The following FOXP1 variants were observed in gnomAD, a reference collection of about 807,000 sequenced individuals.
FOXP1 encodes the protein forkhead box P1.
A neutral mutation model predicts 98.2 loss-of-function variants in FOXP1; 15 were observed. The ratio of observed to expected loss-of-function variants is 0.15; its 90% CI spans 0.10 to 0.24. The LOEUF (loss-of-function observed/expected upper bound fraction) is 0.24, where lower values mean the gene tolerates loss of function less well. FOXP1 is among the 10% of genes least tolerant of loss of function. The pLI is 1.00. For missense variants in FOXP1, 633 were observed against 848.5 expected, an observed-to-expected ratio of 0.75 and a Z score of 3.15; for synonymous variants, 371 against 314.5, an observed-to-expected ratio of 1.18 and a Z score of -1.90.
chr3:71,364,528 T>A (rs1489816485), intron 3 of FOXP1, among the ~76,000 whole-genome samples: 1 of 152,252 alleles, frequency 6.6e-6, no homozygotes, highest in Non-Finnish European at 1.5e-5. Flanking sequence ...CTTTTGTTGT[T>A]GCTGTTGAAT....
chr3:71,094,278 CTTTT>C (rs1180804992), intron 7 of FOXP1, among the ~76,000 whole-genome samples: 1 of 127,822 alleles, frequency 7.8e-6, no homozygotes, highest in Non-Finnish European at 1.7e-5. Flanking sequence ...TTTTTCTTTT[CTTTT>C]TTTTTTTTTT....
intron 2 of FOXP1, among the ~76,000 whole-genome samples, chr3:71,514,972 C>G (rs1437073517): frequency 6.6e-6 from 1 of 152,204 alleles, no homozygotes; most frequent in Non-Finnish European, 1.5e-5. Context: ...TAATTAGACT[C>G]ACAGCAGGCA....
At chr3:71,439,357 C>A (rs1211439090) in intron 3 of FOXP1, among the ~76,000 whole-genome samples, 1 of 152,166 alleles carries the variant, frequency 6.6e-6, no homozygotes, top group East Asian at 1.9e-4. Flanking sequence ...GTAATGAAAA[C>A]CTTCAAGAAA....
chr3:71,111,387 C>G (rs951956241), intron 7 of FOXP1, among the ~76,000 whole-genome samples: 2 of 152,106 alleles, frequency 1.3e-5, no homozygotes, highest in South Asian at 4.1e-4. Flanking sequence ...AGTCAAAAAC[C>G]CAAATTAGAT....
rs371577000 is a variant in FOXP1 at position 71,197,863 on chromosome 3, A to G, written c.180+339T>C. On this transcript the variant is annotated intron_variant, in intron 6 of 20. Transcript: ENST00000649528. Reference sequence around the variant, plus strand: ...TTTTTCGTTTAATTTTTATTTTTGCATGAAAGCAGTGGGAACCATTTCTCC... The same window carrying G: ...TTTTTCGTTTAATTTTTATTTTTGCGTGAAAGCAGTGGGAACCATTTCTCC... 5.0e-6 allele frequency: 8 copies of G among 1,612,592 alleles called. No homozygotes were observed. In the African/African-American group the frequency reaches 9.4e-5, roughly 19 times the overall value.
At chr3:71,181,693 G>C (rs1560075594) in intron 6 of FOXP1, among the ~76,000 whole-genome samples, 1 of 152,166 alleles carries the variant, frequency 6.6e-6, no homozygotes, top group Non-Finnish European at 1.5e-5. Context: ...AGCCCACACA[G>C]ACTGGGAAGA....
At chr3:71,344,673 C>A (rs188886991) in intron 4 of FOXP1, among the ~76,000 whole-genome samples, 1 of 151,984 alleles carries the variant, frequency 6.6e-6, no homozygotes, top group East Asian at 1.9e-4. Context: ...CCCCTGTGCA[C>A]TAAAAATACA....
chr3:71,328,644 C>A (rs2076070266), intron 4 of FOXP1, among the ~76,000 whole-genome samples: 1 of 152,174 alleles, frequency 6.6e-6, no homozygotes. Context: ...ACCCTTTCTA[C>A]AGCTGACCAG....
At chr3:71,502,683 TA>T (rs1299687274) in intron 2 of FOXP1, among the ~76,000 whole-genome samples, 1 of 152,166 alleles carries the variant, frequency 6.6e-6, no homozygotes, top group Non-Finnish European at 1.5e-5. Context: ...ATGATGTTAC[TA>T]AAAGGAAAAC....
chr3:70,965,855 A>ATC, intron 20 of FOXP1, 35 bp downstream of exon 20: 3 of 1,606,034 alleles, frequency 1.9e-6, no homozygotes, highest in Non-Finnish European at 2.6e-6. Context: ...GACTAGGGTC[A>ATC]GATAGCAAAG....
At chr3:71,336,042 A>G (rs901078604) in intron 4 of FOXP1, among the ~76,000 whole-genome samples, 1 of 130,032 alleles carries the variant, frequency 7.7e-6, no homozygotes, top group East Asian at 2.6e-4. Flanking sequence ...AAAAAAAAAA[A>G]AGGTACAAGG....
chr3:71,196,077 G>C (rs940347609), intron 6 of FOXP1, among the ~76,000 whole-genome samples: 1 of 152,170 alleles, frequency 6.6e-6, no homozygotes, highest in Admixed American at 6.5e-5. Flanking sequence ...TCACAATACA[G>C]GGGGTTTTAG....
chr3:71,328,990 CA>C (rs56332143), intron 4 of FOXP1, among the ~76,000 whole-genome samples: 4 of 59,074 alleles, frequency 6.8e-5, no homozygotes, highest in Middle Eastern at 0.012. Flanking sequence ...AAAAAAAAAA[CA>C]AAAAAAAAAA....
intron 2 of FOXP1, among the ~76,000 whole-genome samples, chr3:71,522,198 A>G (rs764736072): frequency 5.9e-5 from 9 of 152,196 alleles, no homozygotes; most frequent in Non-Finnish European, 1.3e-4. Context: ...CAGCTGCCCA[A>G]TGACAGAGGC....
intron 5 of FOXP1, among the ~76,000 whole-genome samples, chr3:71,268,092 T>C (rs992337103): frequency 8.7e-5 from 12 of 137,656 alleles, no homozygotes; most frequent in African/African-American, 2.9e-4. Context: ...TTTCTTTTCT[T>C]TTTTTTTTTT....
intron 6 of FOXP1, among the ~76,000 whole-genome samples, chr3:71,169,261 G>T (rs1213635468): frequency 6.6e-6 from 1 of 152,126 alleles, no homozygotes; most frequent in Non-Finnish European, 1.5e-5. Flanking sequence ...GTAAATGGAC[G>T]CCTCTGCCCT....
At chr3:71,329,714 AC>A (rs2107713823) in intron 4 of FOXP1, 1 of 152,320 alleles carries the variant, frequency 6.6e-6, no homozygotes, top group Non-Finnish European at 1.5e-5. Flanking sequence ...GAGGCCTAAT[AC>A]TTTCTATAGT....
intron 7 of FOXP1, among the ~76,000 whole-genome samples, chr3:71,093,231 C>T (rs574628518): frequency 6.4e-5 from 9 of 141,580 alleles, no homozygotes; most frequent in Non-Finnish European, 1.1e-4. Context: ...TCAGCCTGGG[C>T]GACAAGAGCA....
intron 5 of FOXP1, among the ~76,000 whole-genome samples, chr3:71,240,301 A>G (rs892455111): frequency 6.6e-6 from 1 of 152,242 alleles, no homozygotes. Context: ...TGCTCTTTGC[A>G]TTCTTTGGTT....
Sources: allele counts gnomAD v4.1 joint callset (sites outside exome capture counted in the v4.1 genomes callset), GRCh38; gene constraint gnomAD v4.1.1; transcripts MANE v1.5; gene names NCBI Gene and HGNC (gene_info 2026-07-23, HGNC 2026-07-21).